GLIPR2: variants seen among roughly 807,000 people sequenced by gnomAD.
GLIPR2 encodes GLI pathogenesis related 2.
A neutral mutation model predicts 20.4 loss-of-function variants in GLIPR2; 21 were observed. The observed-to-expected ratio is 1.03, with a 90% CI of 0.73 to 1.48. The LOEUF (loss-of-function observed/expected upper bound fraction) is 1.48, where lower values mean the gene tolerates loss of function less well. Among genes scored for constraint, GLIPR2 ranks in the 40% most tolerant of loss-of-function variants. GLIPR2 has a pLI of 0.00. For synonymous variants in GLIPR2, 91 were observed against 80.5 expected (o/e 1.13, Z -0.70); for missense variants, 205 against 200.1 (o/e 1.02, Z -0.15).
At chr9:36,161,446 T>C (rs1211939011) in intron 4 of GLIPR2, among the ~76,000 whole-genome samples, 1 of 151,092 alleles carries the variant, frequency 6.6e-6, no homozygotes, top group East Asian at 1.9e-4. Context: ...TGATTTGAGC[T>C]GGAGAAATAA....
In GLIPR2 at chr9:36,150,896, A is replaced by G; in HGVS notation, c.251A>G (p.Tyr84Cys). 6.2e-7 allele frequency: 1 copy of G among 1,613,752 alleles called. No individual in the cohort carries two copies. The highest frequency in any genetic ancestry group is 8.5e-7 in the Non-Finnish European group (1 of 1,179,658). The change falls in exon 4 of 5, where the codon TAC becomes TGC. Residue 84 changes from tyrosine (Y) to cysteine (C), a missense_variant. Transcript: ENST00000377960. ...GGAAAGGAGGTGGCTGATAGATGGT[A>G]CAGTGAAATCAAGAACTATAACTTC... ...QTGKEVADRW[Y>C]SEIKNYNFQQ...
At chr9:36,146,847 A>T (rs10814337) in intron 1 of GLIPR2, among the ~76,000 whole-genome samples, 38,822 of 151,934 alleles carry the variant, frequency 0.26, 4,987 homozygotes, top group East Asian at 0.27. Context: ...CTCGGGTGGA[A>T]GCCTCGTGCT....
chr9:36,152,821 G>C (rs911510105), intron 4 of GLIPR2, among the ~76,000 whole-genome samples: 2 of 149,198 alleles, frequency 1.3e-5, no homozygotes, highest in Admixed American at 6.7e-5. Flanking sequence ...TTTGAAAGTA[G>C]GGTTTGGCCA....
chr9:36,141,778 C>G lies in GLIPR2; in HGVS notation c.13+4987C>G. The G allele has an allele frequency of 8.8e-6, 4 of 452,086 alleles. No homozygotes were observed. The East Asian group carries it at 2.1e-4, about 24-fold the overall frequency. 28.0% of individuals were successfully genotyped at this position (452,086 alleles called of 1,614,324 possible). ...AAGCGATCCTCCCATCTCAGTCTCCCGAGTAGCTGGGACCACAGGCGTGGG... is the reference window on the plus strand; with the variant it reads ...AAGCGATCCTCCCATCTCAGTCTCCGGAGTAGCTGGGACCACAGGCGTGGG... On this transcript the variant is annotated intron_variant, in intron 1 of 4. Transcript: ENST00000377960.
At chr9:36,139,659 C>A (rs1188621653) in intron 1 of GLIPR2, among the ~76,000 whole-genome samples, 2 of 152,222 alleles carry the variant, frequency 1.3e-5, no homozygotes, top group Non-Finnish European at 2.9e-5. Flanking sequence ...GTTTCCTCCT[C>A]ACTGCACAGG....
At chr9:36,149,226 C>T (rs1009966841) in intron 3 of GLIPR2, among the ~76,000 whole-genome samples, 12 of 152,232 alleles carry the variant, frequency 7.9e-5, no homozygotes, top group Admixed American at 6.5e-5. Context: ...CTTCCTGGCC[C>T]TCTGGCCCTG....
intron 4 of GLIPR2, among the ~76,000 whole-genome samples, chr9:36,161,721 T>A (rs1266031860): frequency 2.0e-5 from 3 of 152,072 alleles, no homozygotes; most frequent in Admixed American, 2.0e-4. Flanking sequence ...AGGGGATCAC[T>A]GGAGAGCTTC....
chr9:36,145,218 G>A lies in GLIPR2; in HGVS notation c.14-2568G>A, dbSNP rs1825270947. Among the ~76,000 whole-genome samples, 4 of 152,236 alleles carry A rather than the reference G, an allele frequency of 2.6e-5. No homozygotes were observed. The South Asian group carries it at 8.3e-4, about 31-fold the overall frequency. On this transcript the variant is annotated intron_variant, in intron 1 of 4. Transcript: ENST00000377960. Reference sequence around the variant, plus strand: ...CAACTCACCCCCATTTCCAGAGAAAGGAACTCCCAGATTCCTGAGTATGGT... The same window carrying A: ...CAACTCACCCCCATTTCCAGAGAAAAGAACTCCCAGATTCCTGAGTATGGT...
chr9:36,144,718 C>G (rs1395859580), intron 1 of GLIPR2: 2 of 152,450 alleles, frequency 1.3e-5, no homozygotes, highest in African/African-American at 4.8e-5. Flanking sequence ...AGCCCAAGTT[C>G]TAGAGCTTGC....
Position 36,162,673 on chromosome 9 carries a change from T to C in GLIPR2, c.*151T>C, listed in dbSNP as rs1826108128. On this transcript the variant is annotated 3_prime_UTR_variant, in exon 5 of 5. Transcript: ENST00000377960. ...CGTCTCTGGCACACACACTTGGACA[T>C]ACAGTTCTGTGTGCGCTCATTCTTA... 2.7e-6 allele frequency: 2 copies of C among 743,062 alleles called. No individual in the cohort carries two copies. The highest frequency in any genetic ancestry group is 1.8e-5 in the African/African-American group (1 of 56,366). The allele number at this position is 743,062 out of a possible 1,614,324, so 46.0% of individuals were successfully genotyped here.
intron 1 of GLIPR2, chr9:36,141,741 T>C (rs1825093676): frequency 2.3e-6 from 1 of 438,222 alleles, no homozygotes; most frequent in Non-Finnish European, 4.5e-6. Flanking sequence ...GCAGCCTCGA[T>C]CTCCTGGGCT....
chr9:36,157,336 ATTTTTATT>A (rs1185258690), intron 4 of GLIPR2, among the ~76,000 whole-genome samples: 3 of 147,778 alleles, frequency 2.0e-5, no homozygotes, highest in Non-Finnish European at 4.5e-5. Flanking sequence ...TCTCTTTTTT[ATTTTTATT>A]TTTTTATTTT....
At chr9:36,137,085 C>G (rs1231977488) in intron 1 of GLIPR2, among the ~76,000 whole-genome samples, 1 of 152,192 alleles carries the variant, frequency 6.6e-6, no homozygotes, top group Non-Finnish European at 1.5e-5. Flanking sequence ...TTTCAGGAGG[C>G]CAGACTTAGA....
chr9:36,141,972 C>A (rs1303364926), intron 1 of GLIPR2: 2 of 420,098 alleles, frequency 4.8e-6, no homozygotes, highest in African/African-American at 2.1e-5. Flanking sequence ...CTTCCCTCAG[C>A]CCTGGGGAGC....
rs192268282 is a variant in GLIPR2 at position 36,140,974 on chromosome 9, G to A, written c.13+4183G>A. Among the ~76,000 whole-genome samples, 42 of 152,266 alleles carry A rather than the reference G, an allele frequency of 2.8e-4. No individual in the cohort carries two copies. In the South Asian group the frequency reaches 3.1e-3, roughly 11 times the overall value. ...GAGGGACTGAAAAAGGCCATCAAAC[G>A]TCAATGTAAAGGCAGGGCAGGAGGG... On this transcript the variant is annotated intron_variant, in intron 1 of 4. Transcript: ENST00000377960.
At chr9:36,139,043 G>A (rs1824954396) in intron 1 of GLIPR2, among the ~76,000 whole-genome samples, 1 of 152,102 alleles carries the variant, frequency 6.6e-6, no homozygotes, top group African/African-American at 2.4e-5. Context: ...ACAAACAGGA[G>A]ATGACAGAGG....
In GLIPR2 at chr9:36,136,940, C is replaced by A; in HGVS notation, c.13+149C>A. The A allele has an allele frequency of 1.0e-6, 1 of 979,066 alleles. No individual in the cohort carries two copies. The highest frequency in any genetic ancestry group is 1.7e-5 in the African/African-American group (1 of 59,428). 60.6% of individuals were successfully genotyped at this position (979,066 alleles called of 1,614,324 possible). A position where few individuals can be genotyped will look rare whatever the true frequency, so the allele number is the denominator to read the frequency against. On this transcript the variant is annotated intron_variant, in intron 1 of 4. Coordinates refer to ENST00000377960, the MANE Select transcript of GLIPR2 (RefSeq NM_022343.4). The surrounding 1 kb of genome is among the most constrained non-coding windows in gnomAD (Gnocchi z 4.3). ...GGCGCGCGGGCGGAGCGCCCCGGCGCGGTTTCCGGGGAACCCGGGGGGAAG... is the reference window on the plus strand; with the variant it reads ...GGCGCGCGGGCGGAGCGCCCCGGCGAGGTTTCCGGGGAACCCGGGGGGAAG...
At position 36,162,690 on chromosome 9, in the gene GLIPR2, T is replaced by A; in HGVS notation, c.*168T>A. On this transcript the variant is annotated 3_prime_UTR_variant, in exon 5 of 5. Coordinates refer to ENST00000377960, the MANE Select transcript of GLIPR2 (RefSeq NM_022343.4). ...CTTGGACATACAGTTCTGTGTGCGC[T>A]CATTCTTATTACAGGAGTGAGCAAA... is the stretch of plus-strand genomic sequence containing the variant. 1 of 672,534 alleles carries A rather than the reference T, an allele frequency of 1.5e-6. No homozygotes were observed. Among genetic ancestry groups the A allele is most frequent in the Non-Finnish European group, 2.6e-6 (1 of 390,662 alleles). The allele number at this position is 672,534 out of a possible 1,614,324, so 41.7% of individuals were successfully genotyped here.
At chr9:36,160,842 C>T (rs948619388) in intron 4 of GLIPR2, among the ~76,000 whole-genome samples, 5 of 152,026 alleles carry the variant, frequency 3.3e-5, no homozygotes, top group African/African-American at 1.2e-4. Flanking sequence ...AGGAGTTCAA[C>T]ACCAGCCTGG....
Sources: allele counts gnomAD v4.1 joint callset (sites outside exome capture counted in the v4.1 genomes callset), GRCh38; gene constraint gnomAD v4.1.1; non-coding constraint Gnocchi (gnomAD v3.1); transcripts MANE v1.5; gene names NCBI Gene and HGNC (gene_info 2026-07-23, HGNC 2026-07-21).